FSTL5: variants seen among roughly 807,000 people sequenced by gnomAD.
The protein encoded by FSTL5 is follistatin-related protein 5.
In FSTL5, 62 loss-of-function variants were observed where a neutral mutation model predicts 89.1. The observed-to-expected ratio is 0.70, with a 90% CI of 0.57 to 0.86. FSTL5 has a LOEUF of 0.86. FSTL5 is among the 40% of genes least tolerant of loss of function. The pLI, the probability that FSTL5 is intolerant of heterozygous loss-of-function variation, is 0.00. For synonymous variants in FSTL5, 383 were observed against 346.2 expected, an observed-to-expected ratio of 1.11 and a Z score of -1.18; for missense variants, 1,057 against 1,001.6, an observed-to-expected ratio of 1.06 and a Z score of -0.75.
chr4:161,674,178 A>T, intron 6 of FSTL5, among the ~76,000 whole-genome samples: 1 of 152,118 alleles, frequency 6.6e-6, no homozygotes, highest in Non-Finnish European at 1.5e-5. Context: ...AAAAGCACAG[A>T]TATACAGATA....
intron 13 of FSTL5, among the ~76,000 whole-genome samples, chr4:161,476,518 T>G (rs1734157053): frequency 6.6e-6 from 1 of 152,118 alleles, no homozygotes; most frequent in Non-Finnish European, 1.5e-5. Context: ...TTGCAATTTT[T>G]GCTTTTGTTT....
chr4:161,487,001 G>C (rs1371652216), intron 12 of FSTL5, among the ~76,000 whole-genome samples: 2 of 152,056 alleles, frequency 1.3e-5, no homozygotes, highest in Non-Finnish European at 2.9e-5. Flanking sequence ...ATCTATATTT[G>C]GCAGCCAAAT....
At chr4:161,859,613 A>G (rs1301513565) in intron 4 of FSTL5, among the ~76,000 whole-genome samples, 1 of 152,228 alleles carries the variant, frequency 6.6e-6, no homozygotes, top group African/African-American at 2.4e-5. Context: ...CAAACTGATC[A>G]GCTATGTAAA....
At chr4:161,875,536 A>G (rs1034934418) in intron 4 of FSTL5, among the ~76,000 whole-genome samples, 1 of 152,172 alleles carries the variant, frequency 6.6e-6, no homozygotes, top group Non-Finnish European at 1.5e-5. Context: ...GGAAACCTCT[A>G]GGGAGTATTT....
At chr4:162,108,106 C>T (rs1359053247) in intron 2 of FSTL5, among the ~76,000 whole-genome samples, 1 of 152,030 alleles carries the variant, frequency 6.6e-6, no homozygotes, top group Non-Finnish European at 1.5e-5. Flanking sequence ...ATGTTCCATA[C>T]ATGCTTGTTA....
chr4:161,564,284 A>G (rs1732721782), intron 8 of FSTL5, among the ~76,000 whole-genome samples: 1 of 151,050 alleles, frequency 6.6e-6, no homozygotes, highest in Non-Finnish European at 1.5e-5. Context: ...ACACAGTTCC[A>G]GTATATGACC....
At chr4:161,986,646 A>G (rs557882744) in intron 3 of FSTL5, among the ~76,000 whole-genome samples, 1 of 152,242 alleles carries the variant, frequency 6.6e-6, no homozygotes, top group Non-Finnish European at 1.5e-5. Context: ...GCACATTATT[A>G]TTTAAATATT....
chr4:161,537,055 A>G lies in FSTL5; in HGVS notation c.1312+1111T>C, dbSNP rs76980368. 7.9e-3 allele frequency among the ~76,000 whole-genome samples: 1,195 copies of G among 152,130 alleles called. 20 individuals carry two copies. The highest frequency in any genetic ancestry group is 0.028 in the African/African-American group (1,154 of 41,494). On this transcript the variant is annotated intron_variant, in intron 10 of 15. Transcript: ENST00000306100. ...GACTTTCCTTCTTAAATATTTCTTT[A>G]TAATGATGGTTGTCCTAACCAGACA...
chr4:161,692,295 T>G (rs1429505706), intron 6 of FSTL5, among the ~76,000 whole-genome samples: 2 of 151,974 alleles, frequency 1.3e-5, no homozygotes, highest in Non-Finnish European at 2.9e-5. Flanking sequence ...AAAAGTGTGT[T>G]GAATTTTATC....
intron 10 of FSTL5, among the ~76,000 whole-genome samples, chr4:161,519,962 A>G (rs1482146996): frequency 6.6e-6 from 1 of 152,150 alleles, no homozygotes; most frequent in African/African-American, 2.4e-5. Flanking sequence ...TGTTCAATAG[A>G]TGTTGGTTTT....
intron 4 of FSTL5, among the ~76,000 whole-genome samples, chr4:161,876,435 T>C (rs943291291): frequency 1.3e-5 from 2 of 152,232 alleles, no homozygotes; most frequent in African/African-American, 4.8e-5. Context: ...TACTTAAATA[T>C]GTTGGGCCAA....
intron 4 of FSTL5, among the ~76,000 whole-genome samples, chr4:161,869,999 A>T (rs1732212293): frequency 1.3e-5 from 2 of 152,102 alleles, no homozygotes; most frequent in South Asian, 4.1e-4. Context: ...TGAAGAAAAA[A>T]GTCTGTAGCT....
chr4:161,768,627 T>C (rs1366318995), intron 5 of FSTL5, among the ~76,000 whole-genome samples: 1 of 152,018 alleles, frequency 6.6e-6, no homozygotes, highest in African/African-American at 2.4e-5. Flanking sequence ...TCTATCTCTC[T>C]TATACATCTT....
At chr4:161,756,583 A>T (rs182907752) in intron 6 of FSTL5, among the ~76,000 whole-genome samples, 73 of 152,184 alleles carry the variant, frequency 4.8e-4, no homozygotes, top group Non-Finnish European at 9.4e-4. Flanking sequence ...GACTTGTAAA[A>T]TGTTATTTAT....
intron 6 of FSTL5, among the ~76,000 whole-genome samples, chr4:161,692,111 A>T (rs144232787): frequency 6.6e-6 from 1 of 151,834 alleles, no homozygotes; most frequent in Non-Finnish European, 1.5e-5. Context: ...CTTGCAGTAT[A>T]ATGTTGACTA....
chr4:161,638,126 C>G (rs1735795810), intron 7 of FSTL5, among the ~76,000 whole-genome samples: 1 of 150,664 alleles, frequency 6.6e-6, no homozygotes, highest in South Asian at 2.1e-4. Context: ...TGTTTGTATC[C>G]TCTTTTATTT....
chr4:161,878,601 A>C (rs1732524221), intron 4 of FSTL5, among the ~76,000 whole-genome samples: 1 of 152,108 alleles, frequency 6.6e-6, no homozygotes, highest in African/African-American at 2.4e-5. Context: ...AAGAAAATAC[A>C]ACGTTAGAAT....
chr4:161,886,023 T>C, intron 4 of FSTL5, among the ~76,000 whole-genome samples: 1 of 46,976 alleles, frequency 2.1e-5, no homozygotes, highest in South Asian at 7.6e-4. Flanking sequence ...TCATCAATTA[T>C]TTGTTAAAAA....
intron 8 of FSTL5, among the ~76,000 whole-genome samples, chr4:161,563,863 A>G (rs1732699522): frequency 6.6e-6 from 1 of 151,996 alleles, no homozygotes; most frequent in African/African-American, 2.4e-5. Flanking sequence ...CTGTTTTGAA[A>G]GTTTTCTAAG....
Sources: gnomAD v4.1 joint callset for allele counts (sites outside exome capture counted in the v4.1 genomes callset) on GRCh38, gnomAD v4.1.1 for gene constraint, MANE v1.5 for transcripts, NCBI Gene and HGNC (gene_info 2026-07-23, HGNC 2026-07-21) for gene names.